Variants in PDE2A observed in about 807,000 individuals in gnomAD.
The protein encoded by PDE2A is cGMP-dependent 3',5'-cyclic phosphodiesterase.
PDE2A carries 53 observed loss-of-function variants against 133.6 expected under a neutral mutation model. The ratio of observed to expected loss-of-function variants is 0.40; its 90% CI spans 0.32 to 0.50. PDE2A has a LOEUF of 0.50. Among genes scored for constraint, PDE2A ranks in the 20% least tolerant of loss-of-function variants. The pLI is 0.73. For missense variants in PDE2A, 796 were observed against 1,232.4 expected (o/e 0.65, Z 5.30); for synonymous variants, 491 against 490.2 (o/e 1.00, Z -0.02).
At chr11:72,667,048 G>T (rs1024250256) in intron 1 of PDE2A, among the ~76,000 whole-genome samples, 3 of 152,180 alleles carry the variant, frequency 2.0e-5, no homozygotes, top group Admixed American at 1.3e-4. Flanking sequence ...GGAGGTTGCG[G>T]TGAGCCGAGA....
intron 2 of PDE2A, among the ~76,000 whole-genome samples, chr11:72,614,168 C>G (rs1453779399): frequency 6.6e-6 from 1 of 152,236 alleles, no homozygotes; most frequent in Admixed American, 6.5e-5. Flanking sequence ...CCTCCCCACA[C>G]ACCCACGCCT....
chr11:72,621,743 C>G (rs1857781471), intron 2 of PDE2A: 1 of 152,208 alleles, frequency 6.6e-6, no homozygotes, highest in African/African-American at 2.4e-5. Flanking sequence ...TCCAGGACCT[C>G]CTAGCCTTAA....
intron 2 of PDE2A, among the ~76,000 whole-genome samples, chr11:72,617,281 G>A (rs68189691): frequency 0.14 from 21,979 of 152,204 alleles, 2,278 homozygotes; most frequent in East Asian, 0.44. Flanking sequence ...TGCAGAGGGC[G>A]GGGAGGAAGG....
intron 6 of PDE2A, 130 bp downstream of exon 6, chr11:72,596,457 ATCTCTC>A (rs113104892): frequency 0.015 from 2,442 of 163,714 alleles, 61 homozygotes; most frequent in African/African-American, 0.07. Flanking sequence ...TATGGCTCCC[ATCTCTC>A]TCTCTCTCTC....
chr11:72,625,963 C>A (rs114705959), intron 2 of PDE2A, among the ~76,000 whole-genome samples: 1 of 152,216 alleles, frequency 6.6e-6, no homozygotes, highest in South Asian at 2.1e-4. Flanking sequence ...GGGGTGGGGC[C>A]GGCTGGAGCA....
rs1274237015 is a variant in PDE2A at position 72,584,252 on chromosome 11, G to A, written c.1599C>T (p.Asp533=). Reference sequence around the variant, plus strand: ...TGGAGAAGGCCGTCGCCAGGTCCTCGTCGAACTTGCTGAACCATGGCCCAT... The same window carrying A: ...TGGAGAAGGCCGTCGCCAGGTCCTCATCGAACTTGCTGAACCATGGCCCAT... The part of the protein sequence containing the change: ...KINGPWFSKF[D]EDLATAFSIY... The change falls in exon 19 of 31, where the codon GAC becomes GAT. Residue 533 remains aspartate (D), a synonymous_variant. Coordinates refer to ENST00000334456, the MANE Select transcript of PDE2A (RefSeq NM_002599.5). The A allele has an allele frequency of 6.2e-7, 1 of 1,612,108 alleles. No homozygotes were observed. Among genetic ancestry groups the A allele is most frequent in the Non-Finnish European group, 8.5e-7 (1 of 1,178,938 alleles).
intron 2 of PDE2A, among the ~76,000 whole-genome samples, chr11:72,617,016 T>A (rs745683750): frequency 6.6e-6 from 1 of 152,232 alleles, no homozygotes; most frequent in Non-Finnish European, 1.5e-5. Context: ...GGCTCTCATC[T>A]GGAGCCAGGA....
chr11:72,590,527 C>T lies in PDE2A; in HGVS notation c.603G>A (p.Glu201=). The part of the protein sequence containing the change: ...VQVLQQRGPR[E]APRAVQNPPE... ...GGGGGTTCTGGACGGCTCGGGGAGC[C>T]TCCCTGGGCCCGCGCTGCTGCAGGA... Residue 201 remains glutamate (E), a synonymous_variant, in exon 8 of 31, where the codon GAG becomes GAA. Coordinates refer to ENST00000334456, the MANE Select transcript of PDE2A (RefSeq NM_002599.5). This position sits in a 1 kb window ranked among gnomAD's most constrained non-coding sequence, Gnocchi z 4.8. 3 of 1,454,228 alleles carry T rather than the reference C, an allele frequency of 2.1e-6. No individual in the cohort carries two copies. Among genetic ancestry groups the T allele is most frequent in the Non-Finnish European group, 2.7e-6 (3 of 1,109,556 alleles). 90.1% of individuals were successfully genotyped at this position (1,454,228 alleles called of 1,614,324 possible).
In PDE2A at chr11:72,616,877, C is replaced by T. The variant is rs181613554; in HGVS notation, c.145-8126G>A. Reference sequence around the variant, plus strand: ...CCAGGAAGCCTTCCTGCGTGGTCACCTGTCCCCCTCCCAGGCCTTCTGAGA... The same window carrying T: ...CCAGGAAGCCTTCCTGCGTGGTCACTTGTCCCCCTCCCAGGCCTTCTGAGA... On this transcript the variant is annotated intron_variant, in intron 2 of 30. Transcript: ENST00000334456. Among the ~76,000 whole-genome samples the T allele has an allele frequency of 1.4e-3, 207 of 152,334 alleles. 1 individual carries two copies. Among genetic ancestry groups the T allele is most frequent in the African/African-American group, 4.9e-3 (202 of 41,574 alleles).
At chr11:72,621,754 A>G (rs1054258470) in intron 2 of PDE2A, 3 of 152,250 alleles carry the variant, frequency 2.0e-5, no homozygotes, top group African/African-American at 7.2e-5. Flanking sequence ...CTAGCCTTAA[A>G]AAACAAAAAT....
In PDE2A at chr11:72,581,936, G is replaced by A. The variant is rs1202921917; in HGVS notation, c.1863C>T (p.Ser621=). 2 of 1,614,030 alleles carry A rather than the reference G, an allele frequency of 1.2e-6. No homozygotes were observed. The highest frequency in any genetic ancestry group is 2.2e-5 in the South Asian group (2 of 91,080). The change falls in exon 22 of 31, where the codon AGC becomes AGT. Residue 621 remains serine, a synonymous_variant. Coordinates refer to ENST00000334456, the MANE Select transcript of PDE2A (RefSeq NM_002599.5). ...PEDDTSMAIL[S]MLQDMNFINN... ...TGATGAAATTCATGTCCTGCAGCAT[G>A]CTCAGGATGGCCTGGAGAGGGCAGA...
rs1430512812 is a variant in PDE2A, at chr11:72,630,419, A to C, written c.144+11835T>G. On this transcript the variant is annotated intron_variant, in intron 2 of 30. Transcript: ENST00000334456. ...AGGGAGCAGGAGTGAGCTTGGTCCC[A>C]TGGTCAAGGGGTAGAGAGGACTTCC... 2.0e-5 allele frequency among the ~76,000 whole-genome samples: 3 copies of C among 152,070 alleles called. No homozygotes were observed. The East Asian group carries it at 5.8e-4, about 30-fold the overall frequency.
At chr11:72,623,518 C>A (rs947979695) in intron 2 of PDE2A, among the ~76,000 whole-genome samples, 3 of 152,080 alleles carry the variant, frequency 2.0e-5, no homozygotes, top group Non-Finnish European at 4.4e-5. Context: ...CCATGCCTGT[C>A]GACTCCCAGA....
rs961312131 is a variant in PDE2A, at chr11:72,597,707, T to C, written c.324-88A>G. The C allele has an allele frequency of 2.4e-6, 2 of 828,050 alleles. No individual in the cohort carries two copies. The highest frequency in any genetic ancestry group is 5.3e-5 in the East Asian group (2 of 37,762). The allele number at this position is 828,050 out of a possible 1,614,324, so 51.3% of individuals were successfully genotyped here. ...TGGGAACACAGGACAGTTTGGACCC[T>C]GCACATGTGCAAGGATCTGGGCAAG... On this transcript the variant is annotated intron_variant, in intron 4 of 30. Coordinates refer to ENST00000334456, the MANE Select transcript of PDE2A (RefSeq NM_002599.5). This position sits in a 1 kb window ranked among gnomAD's most constrained non-coding sequence, Gnocchi z 4.6.
intron 4 of PDE2A, chr11:72,598,833 T>C: frequency 1.0e-6 from 1 of 985,332 alleles, no homozygotes; most frequent in Non-Finnish European, 1.2e-6. Context: ...TAATCCAGGA[T>C]CTACAGGAAC....
At chr11:72,667,792 C>T (rs1490484572) in intron 1 of PDE2A, among the ~76,000 whole-genome samples, 2 of 151,046 alleles carry the variant, frequency 1.3e-5, no homozygotes, top group African/African-American at 2.4e-5. Context: ...AGGAGGATAG[C>T]TTCAGCCCAG....
chr11:72,580,508 T>G, intron 25 of PDE2A, 69 bp downstream of exon 25: 1 of 1,156,782 alleles, frequency 8.6e-7, no homozygotes, highest in South Asian at 1.3e-5. Context: ...TAGGAGGAGC[T>G]GGGTCATAAC....
In PDE2A at chr11:72,596,656, G is replaced by A; in HGVS notation, c.434-8C>T. 2 of 1,451,854 alleles carry A rather than the reference G, an allele frequency of 1.4e-6. No individual in the cohort carries two copies. Among genetic ancestry groups the A allele is most frequent in the South Asian group, 1.5e-5 (1 of 65,770 alleles). The allele number at this position is 1,451,854 out of a possible 1,614,324, so 89.9% of individuals were successfully genotyped here. Reference sequence around the variant, plus strand: ...CTAGCGGCATGACCAGCACTGAGGGGGAGAGGGCAATGAGGTGCTCCTGCA... The same window carrying A: ...CTAGCGGCATGACCAGCACTGAGGGAGAGAGGGCAATGAGGTGCTCCTGCA... On this transcript the variant is annotated splice_polypyrimidine_tract_variant and splice_region_variant and intron_variant, in intron 5 of 30. Transcript: ENST00000334456.
intron 6 of PDE2A, 107 bp downstream of exon 6, chr11:72,596,480 TCTCTCA>T (rs1565159221): frequency 5.9e-5 from 14 of 238,124 alleles, no homozygotes; most frequent in South Asian, 2.3e-4. Context: ...TCTCTCTCTC[TCTCTCA>T]CACACACACA....
Sources: allele counts gnomAD v4.1 joint callset (sites outside exome capture counted in the v4.1 genomes callset), GRCh38; gene constraint gnomAD v4.1.1; non-coding constraint Gnocchi (gnomAD v3.1); transcripts MANE v1.5; gene names NCBI Gene and HGNC (gene_info 2026-07-23, HGNC 2026-07-21).